PCDHGA2: variants seen among roughly 807,000 people sequenced by gnomAD.
PCDHGA2 encodes the protein protocadherin gamma-A2.
A neutral mutation model predicts 59.2 loss-of-function variants in PCDHGA2; 40 were observed. The ratio of observed to expected loss-of-function variants is 0.68; its 90% CI spans 0.52 to 0.88. The LOEUF (loss-of-function observed/expected upper bound fraction) is 0.88. PCDHGA2 is among the 40% of genes least tolerant of loss of function. The probability of loss-of-function intolerance (pLI) is 0.00; values close to 1 mark genes in which losing one functional copy is unlikely to be tolerated. For missense variants in PCDHGA2, 1,226 were observed against 1,204.0 expected, an observed-to-expected ratio of 1.02 and a Z score of -0.27; for synonymous variants, 560 against 526.0, an observed-to-expected ratio of 1.06 and a Z score of -0.89.
chr5:141,339,748 C>A lies in PCDHGA2; in HGVS notation c.777C>A (p.Thr259=), dbSNP rs1220367601. ...ISIPENTLVG[T]RILTVTATDA... Reference sequence around the variant, plus strand: ...TTCCGGAGAATACGCTCGTGGGCACCCGGATACTCACGGTGACCGCCACTG... The same window carrying A: ...TTCCGGAGAATACGCTCGTGGGCACACGGATACTCACGGTGACCGCCACTG... The change falls in exon 1 of 4, where the codon ACC becomes ACA. Residue 259 remains threonine, a synonymous_variant. Transcript: ENST00000394576. 1 of 1,614,096 alleles carries A rather than the reference C, an allele frequency of 6.2e-7. No homozygotes were observed. The highest frequency in any genetic ancestry group is 1.7e-5 in the Admixed American group (1 of 60,024).
chr5:141,344,102 G>A (rs373701923), intron 1 of PCDHGA2: 20 of 1,613,832 alleles, frequency 1.2e-5, no homozygotes, highest in East Asian at 6.7e-5. Context: ...TGGGGACGCT[G>A]TGCGAAACAG....
At chr5:141,399,627 C>A (rs751717107) in intron 1 of PCDHGA2, 19 of 1,613,788 alleles carry the variant, frequency 1.2e-5, no homozygotes, top group Non-Finnish European at 1.6e-5. Flanking sequence ...TGGCCTCTTA[C>A]GTGTCCATGA....
intron 1 of PCDHGA2, chr5:141,384,406 TC>T: frequency 6.2e-7 from 1 of 1,613,908 alleles, no homozygotes; most frequent in Non-Finnish European, 8.5e-7. Flanking sequence ...TCCAGTGTCC[TC>T]CTATGTCTCC....
intron 1 of PCDHGA2, among the ~76,000 whole-genome samples, chr5:141,447,450 C>G (rs540357899): frequency 1.3e-5 from 2 of 152,082 alleles, no homozygotes; most frequent in African/African-American, 2.4e-5. Context: ...AATTTTTAAC[C>G]TCAGTTTTTC....
chr5:141,427,937 C>T, intron 1 of PCDHGA2: 1 of 1,584,566 alleles, frequency 6.3e-7, no homozygotes, highest in African/African-American at 1.3e-5. Flanking sequence ...TGTTGGTGGG[C>T]GACCTCAATG....
chr5:141,409,729 G>GCAGAGC (rs1178571616), intron 1 of PCDHGA2: 2 of 1,612,966 alleles, frequency 1.2e-6, no homozygotes, highest in African/African-American at 2.7e-5. Context: ...CAGTGAGCGC[G>GCAGAGC]CAGAGCGGGG....
intron 1 of PCDHGA2, among the ~76,000 whole-genome samples, chr5:141,455,776 A>G (rs1386162201): frequency 6.6e-6 from 1 of 152,186 alleles, no homozygotes. Context: ...GGGCTTTAAA[A>G]GAAACTTTTC....
chr5:141,462,959 G>A lies in PCDHGA2; in HGVS notation c.2425-31848G>A, dbSNP rs188938907. 5.1e-3 allele frequency among the ~76,000 whole-genome samples: 776 copies of A among 152,188 alleles called. 5 individuals are homozygous for A. Among genetic ancestry groups the A allele is most frequent in the Non-Finnish European group, 8.2e-3 (557 of 67,994 alleles). On this transcript the variant is annotated intron_variant, in intron 1 of 3. Transcript: ENST00000394576. ...AAGGCTTGTTTTTAAGCTTTGTTAGGACAGGTCTGTAGTAACTTTTGCCTT... is the reference window on the plus strand; with the variant it reads ...AAGGCTTGTTTTTAAGCTTTGTTAGAACAGGTCTGTAGTAACTTTTGCCTT...
At chr5:141,400,181 A>G (rs1188334062) in intron 1 of PCDHGA2, 14 of 1,614,034 alleles carry the variant, frequency 8.7e-6, no homozygotes, top group Non-Finnish European at 1.1e-5. Flanking sequence ...GCTGAGCTGC[A>G]GTTTTACCTA....
chr5:141,501,390 T>TCAC (rs1033806087), intron 2 of PCDHGA2, among the ~76,000 whole-genome samples: 4 of 151,794 alleles, frequency 2.6e-5, no homozygotes, highest in African/African-American at 9.7e-5. Flanking sequence ...CTAGGTCCTG[T>TCAC]CACAGGCCAC....
chr5:141,491,616 C>T lies in PCDHGA2; in HGVS notation c.2425-3191C>T. 1 of 1,613,944 alleles carries T rather than the reference C, an allele frequency of 6.2e-7. No homozygotes were observed. Among genetic ancestry groups the T allele is most frequent in the South Asian group, 1.1e-5 (1 of 91,082 alleles). On this transcript the variant is annotated intron_variant, in intron 1 of 3. Coordinates refer to ENST00000394576, the MANE Select transcript of PCDHGA2 (RefSeq NM_018915.4). The surrounding 1 kb of genome is among the most constrained non-coding windows in gnomAD (Gnocchi z 6.9). ...GCAGTGACTTCACTTTTCTAAGACC[C>T]CTCAGCGTTCAGCAGCCCACAGCTC...
intron 1 of PCDHGA2, chr5:141,371,688 C>A (rs1234825193): frequency 6.2e-7 from 1 of 1,614,070 alleles, no homozygotes. Flanking sequence ...CAATCCACCG[C>A]TCTCCTCCAG....
Position 141,487,945 on chromosome 5 carries a change from G to A in PCDHGA2, c.2425-6862G>A, listed in dbSNP as rs2099669554. ...CAGTGCACAGGGTACAGTGCACCAG[G>A]CAGTCACTTGGACAAAGGTGGCTGT... On this transcript the variant is annotated intron_variant, in intron 1 of 3. Transcript: ENST00000394576. This position sits in a 1 kb window ranked among gnomAD's most constrained non-coding sequence, Gnocchi z 5.0. Among the ~76,000 whole-genome samples the A allele has an allele frequency of 6.6e-6, 1 of 152,198 alleles. No individual in the cohort carries two copies. Among genetic ancestry groups the A allele is most frequent in the Non-Finnish European group, 1.5e-5 (1 of 68,036 alleles).
intron 1 of PCDHGA2, chr5:141,409,612 C>T: frequency 6.2e-7 from 1 of 1,613,908 alleles, no homozygotes; most frequent in Non-Finnish European, 8.5e-7. Flanking sequence ...CAGGAGCCTC[C>T]ATTGCGCAAG....
chr5:141,405,328 C>T (rs4912606), intron 1 of PCDHGA2: 66,412 of 1,613,986 alleles, frequency 0.041, 1,736 homozygotes, highest in Non-Finnish European at 0.046. Flanking sequence ...AGCCTTTGTG[C>T]GTCTCTGTTG....
chr5:141,383,695 G>C (rs373055594), intron 1 of PCDHGA2: 3 of 1,613,974 alleles, frequency 1.9e-6, no homozygotes, highest in Non-Finnish European at 2.5e-6. Context: ...CACGGTACAT[G>C]CTATCGACCT....
intron 1 of PCDHGA2, chr5:141,415,715 T>A: frequency 7.0e-7 from 1 of 1,428,190 alleles, no homozygotes; most frequent in Non-Finnish European, 9.3e-7. Flanking sequence ...AAAACACTGA[T>A]GAGTAGAATT....
In PCDHGA2 at chr5:141,339,307, T is replaced by A. The variant is rs760608147; in HGVS notation, c.336T>A (p.Asp112Glu). 11 of 1,614,156 alleles carry A rather than the reference T, an allele frequency of 6.8e-6. No individual in the cohort carries two copies. In the African/African-American group the frequency reaches 1.3e-4, roughly 20 times the overall value. Residue 112 changes from aspartate (D) to glutamate (E), a missense_variant, in exon 1 of 4, where the codon GAT (aspartate) becomes GAA (glutamate). Asp to Glu is a conservative substitution (Grantham distance 45, BLOSUM62 2). Transcript: ENST00000394576. ...CLLNFNILLEDKLTIYSVEVE... is the reference protein window; with the variant it reads ...CLLNFNILLEEKLTIYSVEVE... Reference sequence around the variant, plus strand: ...TGAATTTTAACATTCTGCTGGAGGATAAATTGACTATTTATTCAGTAGAGG... The same window carrying A: ...TGAATTTTAACATTCTGCTGGAGGAAAAATTGACTATTTATTCAGTAGAGG...
At chr5:141,355,647 G>A (rs750226328) in intron 1 of PCDHGA2, 8 of 1,613,846 alleles carry the variant, frequency 5.0e-6, no homozygotes, top group African/African-American at 1.3e-5. Context: ...AAAATCCTGG[G>A]GCAAGATTTC....
Sources: allele counts gnomAD v4.1 joint callset (sites outside exome capture counted in the v4.1 genomes callset), GRCh38; gene constraint gnomAD v4.1.1; non-coding constraint Gnocchi (gnomAD v3.1); transcripts MANE v1.5; gene names NCBI Gene and HGNC (gene_info 2026-07-23, HGNC 2026-07-21).